The following PCSK5 variants were observed in gnomAD, a reference collection of about 807,000 sequenced individuals.
PCSK5 encodes proprotein convertase subtilisin/kexin type 5, also known as prohormone convertase 5.
Under a neutral mutation model 233.2 loss-of-function variants are expected in PCSK5, and 129 were observed. The ratio of observed to expected loss-of-function variants is 0.55; its 90% CI spans 0.48 to 0.64. The LOEUF is 0.64. PCSK5 is among the 30% of genes least tolerant of loss of function. PCSK5 has a pLI of 0.00. For synonymous variants in PCSK5, 825 were observed against 879.2 expected (o/e 0.94, Z 1.09); for missense variants, 2,076 against 2,430.1 (o/e 0.85, Z 3.06).
intron 15 of PCSK5, among the ~76,000 whole-genome samples, chr9:76,180,639 C>T (rs371260257): frequency 3.3e-5 from 5 of 152,070 alleles, no homozygotes; most frequent in South Asian, 2.1e-4. Context: ...CTCCTTCAGG[C>T]GAAAACTCAC....
chr9:76,174,447 C>T (rs1823482977), intron 13 of PCSK5, among the ~76,000 whole-genome samples: 1 of 151,994 alleles, frequency 6.6e-6, no homozygotes, highest in Non-Finnish European at 1.5e-5. Flanking sequence ...GCTGGGACTA[C>T]AGGCACGTGC....
chr9:76,016,627 A>C (rs1186028130), intron 3 of PCSK5, among the ~76,000 whole-genome samples: 1 of 152,232 alleles, frequency 6.6e-6, no homozygotes, highest in Non-Finnish European at 1.5e-5. Flanking sequence ...TTCTCCATAC[A>C]CTAATATGAG....
rs1449611536 is a variant in PCSK5 at position 76,107,323 on chromosome 9, G to C, written c.1180G>C (p.Gly394Arg). 2 of 1,613,660 alleles carry C rather than the reference G, an allele frequency of 1.2e-6. No individual in the cohort carries two copies. Among genetic ancestry groups the C allele is most frequent in the African/African-American group, 2.7e-5 (2 of 74,912 alleles). ...GTSASAPMAA[G>R]IIALALEANP... The stretch of plus-strand genomic sequence containing the variant: ...GTCAGCCTCAGCCCCCATGGCTGCA[G>C]GCATCATTGCGCTGGCCCTGGAAGC... Residue 394 changes from glycine to arginine, a missense_variant, in exon 9 of 38, where the codon GGC becomes CGC. Physicochemically the swap from Gly to Arg is moderately radical, Grantham distance 125. Coordinates refer to ENST00000674117, the MANE Select transcript of PCSK5 (RefSeq NM_001372043.1).
At chr9:76,078,822 A>G (rs1270444561) in intron 7 of PCSK5, among the ~76,000 whole-genome samples, 1 of 152,172 alleles carries the variant, frequency 6.6e-6, no homozygotes, top group African/African-American at 2.4e-5. Context: ...TTTTGGTTCC[A>G]TGTGAATTTT....
At chr9:76,190,332 ATTTTT>A (rs3077112) in intron 20 of PCSK5, among the ~76,000 whole-genome samples, 12 of 146,086 alleles carry the variant, frequency 8.2e-5, no homozygotes, top group Admixed American at 4.8e-4. Flanking sequence ...CCCACTACTG[ATTTTT>A]TTTTTTTTTT....
chr9:76,093,105 T>C (rs12004421), intron 7 of PCSK5, among the ~76,000 whole-genome samples: 6,728 of 121,978 alleles, frequency 0.055, 479 homozygotes, highest in African/African-American at 0.17. Flanking sequence ...TTTTTTTTTT[T>C]CCAGATACAG....
rs1298537407 is a variant in PCSK5 at position 76,227,535 on chromosome 9, A to G, written c.2659A>G (p.Thr887Ala). 6.2e-7 allele frequency: 1 copy of G among 1,611,988 alleles called. No homozygotes were observed. Among genetic ancestry groups the G allele is most frequent in the Non-Finnish European group, 8.5e-7 (1 of 1,179,534 alleles). Residue 887 changes from threonine to alanine, a missense_variant, in exon 21 of 38, where the codon ACC becomes GCC. Thr to Ala is a moderately conservative substitution (Grantham distance 58, BLOSUM62 0). This residue lies in a region of PCSK5 where 1,510 missense variants were observed against 1,538.1 expected (regional missense o/e 0.98). Transcript: ENST00000674117. ...EYVDEHGHCQ[T>A]CEASCAKCQG... The stretch of plus-strand genomic sequence containing the variant: ...TGTTGATGAGCATGGCCACTGCCAG[A>G]CCTGTGAGGCCTCATGTGCCAAGTG...
chr9:75,965,260 T>C (rs1388618256), intron 2 of PCSK5, among the ~76,000 whole-genome samples: 1 of 76,046 alleles, frequency 1.3e-5, no homozygotes, highest in East Asian at 5.2e-4. Context: ...TATGTGTGTA[T>C]ATGTGTGTGT....
At chr9:76,296,281 C>G (rs888158918) in intron 26 of PCSK5, among the ~76,000 whole-genome samples, 1 of 152,178 alleles carries the variant, frequency 6.6e-6, no homozygotes, top group East Asian at 1.9e-4. Context: ...TATTAAAACA[C>G]ATTTCTTGGT....
chr9:76,016,247 T>C (rs775431720), intron 3 of PCSK5, among the ~76,000 whole-genome samples: 22 of 152,346 alleles, frequency 1.4e-4, no homozygotes, highest in Middle Eastern at 3.4e-3. Flanking sequence ...GTGGGCTGTT[T>C]CCAGTGGTAC....
At chr9:75,980,881 C>T (rs1338646010) in intron 2 of PCSK5, among the ~76,000 whole-genome samples, 2 of 148,252 alleles carry the variant, frequency 1.3e-5, no homozygotes, top group South Asian at 2.2e-4. Flanking sequence ...CTTAAGCCCT[C>T]GCTTTCCATA....
At position 76,338,407 on chromosome 9, in the gene PCSK5, G is replaced by C; in HGVS notation, c.4926G>C (p.Gln1642His). The change falls in exon 35 of 38, where the codon CAG becomes CAC. Residue 1642 changes from glutamine to histidine, a missense_variant. Coordinates refer to ENST00000674117, the MANE Select transcript of PCSK5 (RefSeq NM_001372043.1). ...ATTACTATGTAGAGCAAAGCACACA[G>C]ACCTGTGAGAGATGCCATCCGACTT... ...PDHYYVEQST[Q>H]TCERCHPTCD... 1 of 1,612,662 alleles carries C rather than the reference G, an allele frequency of 6.2e-7. No individual in the cohort carries two copies. The highest frequency in any genetic ancestry group is 8.5e-7 in the Non-Finnish European group (1 of 1,179,734).
intron 12 of PCSK5, among the ~76,000 whole-genome samples, chr9:76,162,419 A>T (rs1822902036): frequency 6.6e-6 from 1 of 152,256 alleles, no homozygotes; most frequent in South Asian, 2.1e-4. Flanking sequence ...TTCAAAGCAC[A>T]TTCCCAGAAT....
At chr9:75,964,006 C>T (rs1001964313) in intron 2 of PCSK5, among the ~76,000 whole-genome samples, 1 of 152,220 alleles carries the variant, frequency 6.6e-6, no homozygotes, top group Admixed American at 6.5e-5. Flanking sequence ...TTTGCTTAAC[C>T]TTTTTGAATC....
intron 24 of PCSK5, among the ~76,000 whole-genome samples, chr9:76,253,896 G>T (rs1195542372): frequency 1.3e-5 from 2 of 152,054 alleles, no homozygotes; most frequent in African/African-American, 4.8e-5. Flanking sequence ...GAAGCTCTTT[G>T]TTATAAGTAA....
chr9:76,166,938 T>A (rs2131836443), intron 12 of PCSK5, among the ~76,000 whole-genome samples: 1 of 152,344 alleles, frequency 6.6e-6, no homozygotes, highest in African/African-American at 2.4e-5. Flanking sequence ...TAGTGAGGGA[T>A]TCAATGGATG....
intron 16 of PCSK5, 53 bp from the exon 17 acceptor site, chr9:76,184,620 T>C: frequency 8.4e-7 from 1 of 1,195,394 alleles, no homozygotes; most frequent in South Asian, 1.2e-5. Flanking sequence ...CTCTGATGCT[T>C]TTATGGAATC....
At chr9:76,241,494 A>C (rs1406393011) in intron 24 of PCSK5, among the ~76,000 whole-genome samples, 1 of 152,072 alleles carries the variant, frequency 6.6e-6, no homozygotes, top group Admixed American at 6.6e-5. Context: ...GCCTAAGACA[A>C]CCCTTAGAGA....
intron 21 of PCSK5, 89 bp from the exon 22 acceptor site, chr9:76,233,371 C>A (rs999564509): frequency 3.2e-5 from 42 of 1,321,012 alleles, no homozygotes; most frequent in Non-Finnish European, 4.5e-5. Flanking sequence ...TCAAATCTGT[C>A]CAGCAAACAT....
Sources: allele counts gnomAD v4.1 joint callset (sites outside exome capture counted in the v4.1 genomes callset), GRCh38; gene constraint gnomAD v4.1.1; regional missense constraint gnomAD v4.1.1; transcripts MANE v1.5; gene names NCBI Gene and HGNC (gene_info 2026-07-23, HGNC 2026-07-21).